Variants in MECOM observed in about 807,000 individuals in gnomAD.
The protein encoded by MECOM is histone-lysine N-methyltransferase MECOM.
MECOM carries 13 observed loss-of-function variants against 116.3 expected under a neutral mutation model. The ratio of observed to expected loss-of-function variants is 0.11; its 90% CI spans 0.07 to 0.18. The LOEUF (loss-of-function observed/expected upper bound fraction) is 0.18. Ranked by LOEUF, MECOM falls within the 10% of genes least tolerant of loss-of-function variation. MECOM has a pLI of 1.00. For missense variants in MECOM, 1,299 were observed against 1,509.0 expected (o/e 0.86, Z 2.31); for synonymous variants, 528 against 535.2 (o/e 0.99, Z 0.19).
intron 1 of MECOM, 35 bp from the exon 2 acceptor site, chr3:169,381,559 G>A: frequency 6.8e-7 from 1 of 1,472,016 alleles, no homozygotes; most frequent in African/African-American, 1.4e-5. Context: ...AATTCCTTCT[G>A]ATATTGAAGA....
At chr3:169,362,973 C>T (rs1035536122) in intron 2 of MECOM, among the ~76,000 whole-genome samples, 7 of 151,834 alleles carry the variant, frequency 4.6e-5, no homozygotes, top group South Asian at 4.1e-4. Flanking sequence ...GTTCTGTGTA[C>T]GCTGATGACA....
chr3:169,659,158 G>T (rs1019494810), intron 1 of MECOM, among the ~76,000 whole-genome samples: 6 of 151,232 alleles, frequency 4.0e-5, no homozygotes, highest in Non-Finnish European at 8.9e-5. Context: ...CCTACATGTT[G>T]AATGTCTGTC....
At chr3:169,342,601 T>C (rs1470468598) in intron 2 of MECOM, among the ~76,000 whole-genome samples, 1 of 152,170 alleles carries the variant, frequency 6.6e-6, no homozygotes, top group Non-Finnish European at 1.5e-5. Context: ...CCACTTTTAA[T>C]GGTGATAAAG....
intron 1 of MECOM, among the ~76,000 whole-genome samples, chr3:169,486,477 T>C (rs1450770106): frequency 3.9e-5 from 6 of 151,996 alleles, no homozygotes; most frequent in Admixed American, 3.3e-4. Context: ...TGGTAAACCA[T>C]GAAGAATTAA....
intron 1 of MECOM, among the ~76,000 whole-genome samples, chr3:169,534,650 C>T (rs1759106594): frequency 6.6e-6 from 1 of 151,594 alleles, no homozygotes; most frequent in Non-Finnish European, 1.5e-5. Flanking sequence ...CAATTATTTA[C>T]ATAATGAGCA....
At position 169,105,584 on chromosome 3, in the gene MECOM, G is replaced by C. The variant is rs539856885; in HGVS notation, c.2604+2342C>G. Among the ~76,000 whole-genome samples, 63 of 152,204 alleles carry C rather than the reference G, an allele frequency of 4.1e-4. No homozygotes were observed. In the South Asian group the frequency reaches 0.013, roughly 31 times the overall value. ...CTACTAGGAATAAGAAATTTGCTGA[G>C]AATGGGGAAATCAAAGGGGTAAAAT... On this transcript the variant is annotated intron_variant, in intron 10 of 16. Transcript: ENST00000651503.
intron 2 of MECOM, among the ~76,000 whole-genome samples, chr3:169,374,349 T>G (rs1413245422): frequency 6.6e-6 from 1 of 151,934 alleles, no homozygotes; most frequent in Non-Finnish European, 1.5e-5. Flanking sequence ...CCACCCAGTT[T>G]ATGGTATTCT....
At chr3:169,152,799 T>A (rs1741371784) in intron 2 of MECOM, among the ~76,000 whole-genome samples, 1 of 152,204 alleles carries the variant, frequency 6.6e-6, no homozygotes. Context: ...ACAAGCATAA[T>A]CACCTAGCTG....
At chr3:169,216,948 G>A (rs1751496026) in intron 2 of MECOM, among the ~76,000 whole-genome samples, 1 of 149,328 alleles carries the variant, frequency 6.7e-6, no homozygotes, top group Admixed American at 6.7e-5. Context: ...TATAATTTAA[G>A]TCATAAAAAT....
At chr3:169,204,797 G>A (rs1184021348) in intron 2 of MECOM, among the ~76,000 whole-genome samples, 9 of 152,054 alleles carry the variant, frequency 5.9e-5, no homozygotes, top group Admixed American at 1.3e-4. Context: ...ATGTTAATTC[G>A]CCTTATTTAT....
intron 1 of MECOM, among the ~76,000 whole-genome samples, chr3:169,500,680 T>C (rs1754420103): frequency 6.6e-6 from 1 of 151,992 alleles, no homozygotes; most frequent in South Asian, 2.1e-4. Flanking sequence ...AAGGATTTAA[T>C]TACTAAGCAA....
At chr3:169,506,603 G>A (rs2109004254) in intron 1 of MECOM, among the ~76,000 whole-genome samples, 1 of 152,160 alleles carries the variant, frequency 6.6e-6, no homozygotes, top group East Asian at 1.9e-4. Flanking sequence ...AAGCCTTAAT[G>A]TTCTGCTTTG....
At chr3:169,533,175 G>A (rs933960253) in intron 1 of MECOM, among the ~76,000 whole-genome samples, 17 of 119,960 alleles carry the variant, frequency 1.4e-4, no homozygotes, top group Non-Finnish European at 2.5e-4. Context: ...TGAACTTCAC[G>A]TTTCCTCACA....
At chr3:169,654,291 T>C (rs1775263675) in intron 1 of MECOM, among the ~76,000 whole-genome samples, 1 of 152,234 alleles carries the variant, frequency 6.6e-6, no homozygotes, top group Admixed American at 6.5e-5. Context: ...CAACTCATGA[T>C]AATAAACAGA....
intron 1 of MECOM, among the ~76,000 whole-genome samples, chr3:169,437,074 C>G (rs1266104460): frequency 6.6e-6 from 1 of 151,964 alleles, no homozygotes; most frequent in Non-Finnish European, 1.5e-5. Context: ...TTTTATGAAC[C>G]AATTAGAGTT....
At chr3:169,358,899 T>C (rs568781532) in intron 2 of MECOM, among the ~76,000 whole-genome samples, 131 of 151,906 alleles carry the variant, frequency 8.6e-4, no homozygotes, top group African/African-American at 3.0e-3. Context: ...TTATGCTAAA[T>C]TTTTAACCCT....
At chr3:169,386,874 T>C (rs1162382632) in intron 1 of MECOM, among the ~76,000 whole-genome samples, 1 of 152,186 alleles carries the variant, frequency 6.6e-6, no homozygotes, top group Non-Finnish European at 1.5e-5. Flanking sequence ...AAATTATATA[T>C]CTATTACTGC....
At chr3:169,267,260 A>C (rs1225141142) in intron 2 of MECOM, among the ~76,000 whole-genome samples, 3 of 152,176 alleles carry the variant, frequency 2.0e-5, no homozygotes, top group African/African-American at 7.2e-5. Flanking sequence ...ATTTTAAGCC[A>C]CTGTTTTTGG....
intron 1 of MECOM, among the ~76,000 whole-genome samples, chr3:169,434,680 T>A (rs1742340828): frequency 6.6e-6 from 1 of 152,154 alleles, no homozygotes; most frequent in Admixed American, 6.6e-5. Context: ...GGGGTTGAGG[T>A]AGATGTAGTA....
Sources: allele counts gnomAD v4.1 joint callset (sites outside exome capture counted in the v4.1 genomes callset), GRCh38; gene constraint gnomAD v4.1.1; transcripts MANE v1.5; gene names NCBI Gene and HGNC (gene_info 2026-07-23, HGNC 2026-07-21).